MYO1E: variants seen among roughly 807,000 people sequenced by gnomAD.
The protein encoded by MYO1E is unconventional myosin-Ie.
In MYO1E, 68 loss-of-function variants were observed where a neutral mutation model predicts 151.1. That is an observed-to-expected ratio of 0.45 (90% CI 0.37 to 0.55). The LOEUF (loss-of-function observed/expected upper bound fraction) is 0.55, where lower values mean the gene tolerates loss of function less well. Ranked by LOEUF, MYO1E falls within the 20% of genes least tolerant of loss-of-function variation. MYO1E has a pLI of 0.00. For missense variants in MYO1E, 1,363 were observed against 1,389.3 expected, an observed-to-expected ratio of 0.98 and a Z score of 0.30; for synonymous variants, 601 against 501.7, an observed-to-expected ratio of 1.20 and a Z score of -2.64.
intron 14 of MYO1E, chr15:59,206,796 C>T (rs1390390368): frequency 2.6e-6 from 2 of 766,050 alleles, no homozygotes; most frequent in Non-Finnish European, 4.1e-6. Context: ...GCAAGGCCCG[C>T]GCAGCCGCAG....
At position 59,264,403 on chromosome 15, in the gene MYO1E, G is replaced by A. The variant is rs187927483; in HGVS notation, c.148-2894C>T. On this transcript the variant is annotated intron_variant, in intron 2 of 27. Transcript: ENST00000288235. ...GTCTAAGATAAGCAGGTACTGTTGC[G>A]TTAATATTATTACTGGTAGCCAGAT... Among the ~76,000 whole-genome samples the A allele has an allele frequency of 1.2e-4, 19 of 152,274 alleles. No homozygotes were observed. The East Asian group carries it at 2.1e-3, about 17-fold the overall frequency.
chr15:59,295,700 C>T (rs372969519), intron 1 of MYO1E, among the ~76,000 whole-genome samples: 77 of 151,990 alleles, frequency 5.1e-4, no homozygotes, highest in African/African-American at 1.7e-3. Flanking sequence ...GCCAGGAGGG[C>T]GGAGAGCAGG....
chr15:59,240,003 C>A (rs183437650), intron 4 of MYO1E, among the ~76,000 whole-genome samples: 107 of 152,340 alleles, frequency 7.0e-4, no homozygotes, highest in African/African-American at 2.4e-3. Flanking sequence ...AAATTATTTA[C>A]TTTGCATCTC....
At chr15:59,328,014 C>T (rs2080676059) in intron 1 of MYO1E, among the ~76,000 whole-genome samples, 2 of 152,178 alleles carry the variant, frequency 1.3e-5, no homozygotes, top group African/African-American at 2.4e-5. Flanking sequence ...GGCCCAACAG[C>T]CTGGGCAGAA....
chr15:59,291,769 A>AGGAAGATAAAG (rs370769078), intron 1 of MYO1E, among the ~76,000 whole-genome samples: 334 of 146,976 alleles, frequency 2.3e-3, no homozygotes, highest in African/African-American at 7.9e-3. Context: ...TGAGATGCCG[A>AGGAAGATAAAG]GGAAGATAAA....
chr15:59,360,341 T>G (rs1247123229), intron 1 of MYO1E, among the ~76,000 whole-genome samples: 1 of 151,984 alleles, frequency 6.6e-6, no homozygotes, highest in Non-Finnish European at 1.5e-5. Flanking sequence ...CCAAAAGACA[T>G]GACTTTCAAC....
At chr15:59,220,723 G>A (rs933799546) in intron 9 of MYO1E, among the ~76,000 whole-genome samples, 11 of 151,868 alleles carry the variant, frequency 7.2e-5, no homozygotes, top group African/African-American at 2.2e-4. Flanking sequence ...TGTAACAGCA[G>A]AAGATCAGAA....
At chr15:59,265,790 C>T (rs2080249484) in intron 2 of MYO1E, among the ~76,000 whole-genome samples, 1 of 118,604 alleles carries the variant, frequency 8.4e-6, no homozygotes, top group Non-Finnish European at 1.7e-5. Flanking sequence ...ACCCCATCTC[C>T]TTAAAAAAAA....
chr15:59,133,882 G>A lies in MYO1E; in HGVS notation c.*3498C>T, dbSNP rs1199486378. The A allele has an allele frequency of 2.0e-5, 3 of 152,292 alleles. No individual in the cohort carries two copies. The highest frequency in any genetic ancestry group is 4.8e-5 in the African/African-American group (2 of 41,454). 9.4% of individuals were successfully genotyped at this position (152,292 alleles called of 1,614,324 possible). A position where few individuals can be genotyped will look rare whatever the true frequency, so the allele number is the denominator to read the frequency against. ...CCACTCAGGGAGGGTCTGGGGATGA[G>A]TTCAGGAGGGAGTCGCAAAGAGAAG... On this transcript the variant is annotated 3_prime_UTR_variant, in exon 28 of 28. Transcript: ENST00000288235.
rs574390038 is a variant in MYO1E at position 59,205,497 on chromosome 15, T to C, written c.1531-12A>G. The C allele has an allele frequency of 6.2e-7, 1 of 1,606,342 alleles. No individual in the cohort carries two copies. The highest frequency in any genetic ancestry group is 1.1e-5 in the South Asian group (1 of 90,938). On this transcript the variant is annotated splice_polypyrimidine_tract_variant and intron_variant, in intron 14 of 27. Coordinates refer to ENST00000288235, the MANE Select transcript of MYO1E (RefSeq NM_004998.4). ...ATGTCATAGGATACCTGGCCAAGAA[T>C]GGAAAGAAATCGAATTTCATTGAAC...
chr15:59,208,637 A>G, intron 14 of MYO1E, 44 bp downstream of exon 14: 1 of 1,611,120 alleles, frequency 6.2e-7, no homozygotes, highest in Non-Finnish European at 8.5e-7. Flanking sequence ...TCACAAACCC[A>G]AAGGCTTAAA....
chr15:59,238,866 T>C (rs1312073364), intron 4 of MYO1E, among the ~76,000 whole-genome samples: 3 of 151,642 alleles, frequency 2.0e-5, no homozygotes, highest in Non-Finnish European at 4.4e-5. Flanking sequence ...CCACGACACC[T>C]GGCTCTTTTT....
chr15:59,365,351 T>C (rs941228732), intron 1 of MYO1E, among the ~76,000 whole-genome samples: 77 of 152,252 alleles, frequency 5.1e-4, no homozygotes, highest in African/African-American at 1.8e-3. Context: ...ATGAAGTTAG[T>C]ACAGTAACCT....
chr15:59,138,501 C>T, intron 26 of MYO1E, 134 bp from the exon 27 acceptor site: 1 of 945,380 alleles, frequency 1.1e-6, no homozygotes, highest in Non-Finnish European at 1.6e-6. Context: ...GACATGTGGC[C>T]CAGGGTGCAG....
chr15:59,317,322 C>T (rs2080595389), intron 1 of MYO1E, among the ~76,000 whole-genome samples: 1 of 152,160 alleles, frequency 6.6e-6, no homozygotes, highest in Non-Finnish European at 1.5e-5. Context: ...CCCTTTTCTC[C>T]CTCCTCCCTA....
At chr15:59,140,203 T>G (rs1303515797) in intron 26 of MYO1E, among the ~76,000 whole-genome samples, 2 of 152,160 alleles carry the variant, frequency 1.3e-5, no homozygotes, top group African/African-American at 4.8e-5. Context: ...ATAACTCCAG[T>G]GCTCTAACCC....
chr15:59,252,351 G>C (rs1020755009), intron 4 of MYO1E, among the ~76,000 whole-genome samples: 3 of 152,148 alleles, frequency 2.0e-5, no homozygotes, highest in African/African-American at 7.2e-5. Context: ...CGGAAGCTGA[G>C]GTAGGCAGAT....
rs1417660498 is a variant in MYO1E at position 59,218,089 on chromosome 15, T to C, written c.911-2A>G. 2.5e-6 allele frequency: 4 copies of C among 1,614,042 alleles called. No individual in the cohort carries two copies. The highest frequency in any genetic ancestry group is 3.4e-6 in the Non-Finnish European group (4 of 1,180,018). On this transcript the variant is annotated splice_acceptor_variant, in intron 9 of 27. Coordinates refer to ENST00000288235, the MANE Select transcript of MYO1E (RefSeq NM_004998.4). LOFTEE classifies it high-confidence loss of function. Reference sequence around the variant, plus strand: ...GCAGATATGCAGGAAAAGCTAAAACTGTAGAACATAAAACAAAACATGACA... The same window carrying C: ...GCAGATATGCAGGAAAAGCTAAAACCGTAGAACATAAAACAAAACATGACA...
chr15:59,259,016 T>C (rs144491553), intron 3 of MYO1E, among the ~76,000 whole-genome samples: 1,652 of 152,150 alleles, frequency 0.011, 35 homozygotes, highest in African/African-American at 0.037. Context: ...AGGCTGGTCT[T>C]GAACTCCTGG....
Sources: allele counts gnomAD v4.1 joint callset (sites outside exome capture counted in the v4.1 genomes callset), GRCh38; gene constraint gnomAD v4.1.1; transcripts MANE v1.5; gene names NCBI Gene and HGNC (gene_info 2026-07-23, HGNC 2026-07-21).